Variants in CADM2 observed in about 807,000 individuals in gnomAD.
CADM2 encodes cell adhesion molecule 2, also known as immunoglobulin superfamily member 4D.
A neutral mutation model predicts 49.8 loss-of-function variants in CADM2; 12 were observed. The observed-to-expected ratio is 0.24, with a 90% CI of 0.15 to 0.39. The LOEUF is 0.39. Among genes scored for constraint, CADM2 ranks in the 10% least tolerant of loss-of-function variants. The probability of loss-of-function intolerance (pLI) is 1.00; values close to 1 mark genes in which losing one functional copy is unlikely to be tolerated. For missense variants in CADM2, 378 were observed against 492.3 expected, an observed-to-expected ratio of 0.77 and a Z score of 2.20; for synonymous variants, 214 against 175.4, an observed-to-expected ratio of 1.22 and a Z score of -1.74.
chr3:85,726,170 T>C (rs990150681), intron 1 of CADM2, among the ~76,000 whole-genome samples: 1 of 152,012 alleles, frequency 6.6e-6, no homozygotes, highest in African/African-American at 2.4e-5. Flanking sequence ...GATTGTTAAA[T>C]AGTATTAAGT....
At chr3:85,013,298 C>G (rs2034085553) in intron 1 of CADM2, among the ~76,000 whole-genome samples, 1 of 151,950 alleles carries the variant, frequency 6.6e-6, no homozygotes, top group Admixed American at 6.6e-5. Flanking sequence ...TTCTCTCCTG[C>G]TATGCTCAAG....
intron 1 of CADM2, among the ~76,000 whole-genome samples, chr3:85,003,965 T>C (rs965606293): frequency 6.6e-6 from 1 of 152,134 alleles, no homozygotes; most frequent in African/African-American, 2.4e-5. Flanking sequence ...ATTATAAAAA[T>C]AGAAGTCTCT....
chr3:85,406,572 A>T (rs564832842), intron 1 of CADM2, among the ~76,000 whole-genome samples: 5 of 152,240 alleles, frequency 3.3e-5, no homozygotes, highest in Admixed American at 6.6e-5. Flanking sequence ...TAATGTATTA[A>T]TTGCTTAGTT....
chr3:86,004,199 T>C (rs1730511047), intron 8 of CADM2, among the ~76,000 whole-genome samples: 1 of 152,184 alleles, frequency 6.6e-6, no homozygotes, highest in South Asian at 2.1e-4. Context: ...TATTTTTTAA[T>C]GCCAAAGTAA....
chr3:86,065,138 A>G (rs1344995257), intron 8 of CADM2, among the ~76,000 whole-genome samples: 1 of 152,148 alleles, frequency 6.6e-6, no homozygotes, highest in Non-Finnish European at 1.5e-5. Context: ...CTAGACACCA[A>G]TGGGTGAATT....
chr3:86,070,321 C>T lies in CADM2; in HGVS notation c.*3538C>T, dbSNP rs1407985577. The T allele has an allele frequency of 6.6e-6, 1 of 151,862 alleles. No individual in the cohort carries two copies. The highest frequency in any genetic ancestry group is 1.5e-5 in the Non-Finnish European group (1 of 67,870). 9.4% of individuals were successfully genotyped at this position (151,862 alleles called of 1,614,324 possible). On this transcript the variant is annotated 3_prime_UTR_variant, in exon 10 of 10. Transcript: ENST00000383699. ...ACAGCATTGAGATTTCATATAGGCA[C>T]ATGTATAGCAGCTGTTTGACAGTGA...
chr3:85,445,519 TTTGA>T (rs1338967718), intron 1 of CADM2, among the ~76,000 whole-genome samples: 2 of 152,088 alleles, frequency 1.3e-5, no homozygotes, highest in African/African-American at 4.8e-5. Context: ...TTGAATTTGA[TTTGA>T]TTAATATTTT....
chr3:85,369,314 C>G (rs1180565094), intron 1 of CADM2, among the ~76,000 whole-genome samples: 1 of 152,154 alleles, frequency 6.6e-6, no homozygotes, highest in Non-Finnish European at 1.5e-5. Flanking sequence ...CATATCATGA[C>G]TACATATATG....
intron 1 of CADM2, among the ~76,000 whole-genome samples, chr3:85,375,490 A>C (rs2033541448): frequency 6.6e-6 from 1 of 152,204 alleles, no homozygotes. Context: ...ATTTTGATGC[A>C]GTAATTTCAC....
chr3:85,480,751 G>A (rs1185825676), intron 1 of CADM2, among the ~76,000 whole-genome samples: 1 of 151,732 alleles, frequency 6.6e-6, no homozygotes, highest in East Asian at 1.9e-4. Flanking sequence ...TTTACAACAG[G>A]TTGCTCATTT....
At chr3:85,978,013 C>A (rs904277203) in intron 8 of CADM2, among the ~76,000 whole-genome samples, 3 of 151,486 alleles carry the variant, frequency 2.0e-5, no homozygotes, top group Non-Finnish European at 3.0e-5. Context: ...TGACAGGAAA[C>A]CTTTTAATAC....
chr3:85,977,158 AC>A (rs1487518035), intron 8 of CADM2, among the ~76,000 whole-genome samples: 5 of 151,100 alleles, frequency 3.3e-5, no homozygotes, highest in African/African-American at 1.2e-4. Context: ...GTAAATAAAA[AC>A]AAAACAAAAC....
intron 1 of CADM2, among the ~76,000 whole-genome samples, chr3:85,346,372 T>C (rs1306296604): frequency 1.3e-5 from 2 of 152,194 alleles, no homozygotes; most frequent in Non-Finnish European, 2.9e-5. Context: ...ACAGTACTTA[T>C]AGGATGAAAC....
chr3:86,015,696 C>T (rs1408419720), intron 8 of CADM2, among the ~76,000 whole-genome samples: 1 of 152,152 alleles, frequency 6.6e-6, no homozygotes, highest in Non-Finnish European at 1.5e-5. Flanking sequence ...AAGAGCCTGG[C>T]GTTGTTCTAC....
At chr3:85,766,091 A>G (rs184880437) in intron 2 of CADM2, among the ~76,000 whole-genome samples, 1 of 152,216 alleles carries the variant, frequency 6.6e-6, no homozygotes, top group Admixed American at 6.6e-5. Context: ...TTTTGGCCTG[A>G]TAGTCTGAAT....
chr3:85,574,773 A>G (rs141220425), intron 1 of CADM2, among the ~76,000 whole-genome samples: 1 of 152,252 alleles, frequency 6.6e-6, no homozygotes, highest in African/African-American at 2.4e-5. Context: ...TATTTTTCAA[A>G]TTAGAGGACT....
intron 1 of CADM2, among the ~76,000 whole-genome samples, chr3:84,999,101 A>G (rs997016491): frequency 6.6e-6 from 1 of 152,170 alleles, no homozygotes; most frequent in Admixed American, 6.6e-5. Flanking sequence ...CTAATTTTAA[A>G]CTACAGCCTT....
chr3:85,432,412 A>G (rs2036723849), intron 1 of CADM2, among the ~76,000 whole-genome samples: 1 of 152,034 alleles, frequency 6.6e-6, no homozygotes, highest in African/African-American at 2.4e-5. Flanking sequence ...TTTCTGCAAA[A>G]ATTACCAATT....
intron 1 of CADM2, among the ~76,000 whole-genome samples, chr3:85,677,021 G>C (rs546035091): frequency 1.3e-5 from 2 of 152,106 alleles, no homozygotes; most frequent in African/African-American, 4.8e-5. Context: ...GACATTGTGG[G>C]AACTCTCATT....
Sources: allele counts gnomAD v4.1 joint callset (sites outside exome capture counted in the v4.1 genomes callset), GRCh38; gene constraint gnomAD v4.1.1; transcripts MANE v1.5; gene names NCBI Gene and HGNC (gene_info 2026-07-23, HGNC 2026-07-21).